Variants in GPC5 observed in about 807,000 individuals in gnomAD.
GPC5 encodes the protein glypican-5.
Under a neutral mutation model 53.9 loss-of-function variants are expected in GPC5, and 47 were observed. The observed-to-expected ratio is 0.87, with a 90% CI of 0.69 to 1.11. GPC5 has a LOEUF of 1.11. Among genes scored for constraint, GPC5 ranks in the 50% most tolerant of loss-of-function variants. The probability of loss-of-function intolerance (pLI) is 0.00; values close to 1 mark genes in which losing one functional copy is unlikely to be tolerated. For synonymous variants in GPC5, 286 were observed against 263.3 expected, an observed-to-expected ratio of 1.09 and a Z score of -0.84; for missense variants, 748 against 713.1, an observed-to-expected ratio of 1.05 and a Z score of -0.56.
chr13:92,466,813 G>A (rs138010734), intron 7 of GPC5, among the ~76,000 whole-genome samples: 3 of 152,148 alleles, frequency 2.0e-5, no homozygotes, highest in East Asian at 1.9e-4. Context: ...GGTTAATACC[G>A]TAAAAAGTAA....
At chr13:91,994,717 C>G (rs2040488172) in intron 6 of GPC5, 1 of 152,166 alleles carries the variant, frequency 6.6e-6, no homozygotes, top group Non-Finnish European at 1.5e-5. Flanking sequence ...TACTTCAGCT[C>G]ACTACTTTCA....
intron 2 of GPC5, among the ~76,000 whole-genome samples, chr13:91,608,843 T>C (rs1422720706): frequency 6.6e-6 from 1 of 151,816 alleles, no homozygotes; most frequent in Non-Finnish European, 1.5e-5. Context: ...TGGTATTTGC[T>C]GTTAATGATT....
At position 92,080,989 on chromosome 13, in the gene GPC5, G is replaced by A. The variant is rs937008261; in HGVS notation, c.1402-63841G>A. Among the ~76,000 whole-genome samples, 17 of 152,300 alleles carry A rather than the reference G, an allele frequency of 1.1e-4. No individual in the cohort carries two copies. The South Asian group carries it at 1.4e-3, about 13-fold the overall frequency. ...GCCCTTGACTGTGCAGTGGTGGGAT[G>A]AGCACTTATTTTAACATACTTTTGA... On this transcript the variant is annotated intron_variant, in intron 6 of 7. Coordinates refer to ENST00000377067, the MANE Select transcript of GPC5 (RefSeq NM_004466.6).
At chr13:92,000,750 G>T (rs918524145) in intron 6 of GPC5, among the ~76,000 whole-genome samples, 13 of 152,134 alleles carry the variant, frequency 8.5e-5, no homozygotes, top group African/African-American at 3.1e-4. Flanking sequence ...ATAATAAGCT[G>T]TGGGATTTCT....
At chr13:92,152,979 G>A (rs2041918297) in intron 7 of GPC5, among the ~76,000 whole-genome samples, 1 of 152,074 alleles carries the variant, frequency 6.6e-6, no homozygotes, top group South Asian at 2.1e-4. Flanking sequence ...CCAACAGTAT[G>A]TGCATGCTTA....
chr13:92,323,085 A>G (rs1156385904), intron 7 of GPC5, among the ~76,000 whole-genome samples: 1 of 151,516 alleles, frequency 6.6e-6, no homozygotes, highest in Non-Finnish European at 1.5e-5. Context: ...CTGATTTCTT[A>G]ATAATTTAAC....
chr13:92,273,878 C>A (rs989907281), intron 7 of GPC5, among the ~76,000 whole-genome samples: 1 of 152,064 alleles, frequency 6.6e-6, no homozygotes, highest in Admixed American at 6.6e-5. Context: ...GAAAAATTAT[C>A]CAATACCTGC....
intron 6 of GPC5, among the ~76,000 whole-genome samples, chr13:92,088,164 C>A (rs1329070542): frequency 6.6e-6 from 1 of 152,122 alleles, no homozygotes; most frequent in African/African-American, 2.4e-5. Context: ...ACTCATGCAT[C>A]AACCCAATGT....
intron 7 of GPC5, among the ~76,000 whole-genome samples, chr13:92,167,414 T>C (rs2042039612): frequency 6.6e-6 from 1 of 152,146 alleles, no homozygotes. Context: ...CACAGGGTTT[T>C]AAAATGAAAT....
At chr13:91,875,144 C>A (rs930145183) in intron 5 of GPC5, among the ~76,000 whole-genome samples, 2 of 152,146 alleles carry the variant, frequency 1.3e-5, no homozygotes, top group African/African-American at 4.8e-5. Flanking sequence ...AAGGTTTGGT[C>A]TCCTGAGTAA....
At chr13:91,412,495 G>T (rs1877879895) in intron 1 of GPC5, among the ~76,000 whole-genome samples, 1 of 152,124 alleles carries the variant, frequency 6.6e-6, no homozygotes, top group Non-Finnish European at 1.5e-5. Context: ...CAATCAAAAG[G>T]TTAGCATCCT....
intron 2 of GPC5, among the ~76,000 whole-genome samples, chr13:91,654,815 G>C (rs2034807563): frequency 6.6e-6 from 1 of 152,130 alleles, no homozygotes; most frequent in Non-Finnish European, 1.5e-5. Context: ...CCCAGGTGGG[G>C]CTTGGCCCAT....
intron 7 of GPC5, among the ~76,000 whole-genome samples, chr13:92,372,562 T>C (rs1445365602): frequency 1.3e-5 from 2 of 152,206 alleles, no homozygotes; most frequent in Non-Finnish European, 2.9e-5. Flanking sequence ...TCAGATATTT[T>C]ATTTTTCATT....
At chr13:92,001,447 TA>T (rs1321201105) in intron 6 of GPC5, among the ~76,000 whole-genome samples, 5 of 152,202 alleles carry the variant, frequency 3.3e-5, no homozygotes, top group African/African-American at 7.2e-5. Flanking sequence ...ATTGAGCAAT[TA>T]AAAAAATACT....
intron 7 of GPC5, among the ~76,000 whole-genome samples, chr13:92,711,975 T>A (rs1462637771): frequency 6.6e-6 from 1 of 151,758 alleles, no homozygotes; most frequent in East Asian, 1.9e-4. Flanking sequence ...GAAATTCAAA[T>A]CTATAAGCTC....
chr13:92,704,887 G>A (rs1566373901), intron 7 of GPC5, among the ~76,000 whole-genome samples: 1 of 147,790 alleles, frequency 6.8e-6, no homozygotes, highest in Non-Finnish European at 1.5e-5. Context: ...CTCAATGTGT[G>A]TATATATATG....
At chr13:92,510,751 C>T (rs1414564799) in intron 7 of GPC5, among the ~76,000 whole-genome samples, 2 of 152,148 alleles carry the variant, frequency 1.3e-5, no homozygotes, top group Non-Finnish European at 2.9e-5. Context: ...GATTTTCCAC[C>T]TATAGGGGAC....
chr13:91,985,667 T>C (rs2040400213), intron 6 of GPC5, among the ~76,000 whole-genome samples: 1 of 152,214 alleles, frequency 6.6e-6, no homozygotes, highest in South Asian at 2.1e-4. Context: ...TATTTTAAGA[T>C]AGCACTTTTA....
chr13:91,950,072 C>T (rs759865529), intron 6 of GPC5, among the ~76,000 whole-genome samples: 26 of 152,060 alleles, frequency 1.7e-4, no homozygotes, highest in Non-Finnish European at 3.2e-4. Flanking sequence ...AGCCTATCTA[C>T]AGAAAAATTT....
Sources: gnomAD v4.1 joint callset for allele counts (sites outside exome capture counted in the v4.1 genomes callset) on GRCh38, gnomAD v4.1.1 for gene constraint, MANE v1.5 for transcripts, NCBI Gene and HGNC (gene_info 2026-07-23, HGNC 2026-07-21) for gene names.